PIK3C2G: variants seen among roughly 807,000 people sequenced by gnomAD.
PIK3C2G encodes phosphatidylinositol-4-phosphate 3-kinase catalytic subunit type 2 gamma, also known as phosphatidylinositol 3-kinase C2 domain-containing subunit gamma.
PIK3C2G carries 168 observed loss-of-function variants against 181.1 expected under a neutral mutation model. That is an observed-to-expected ratio of 0.93 (90% CI 0.82 to 1.05). The LOEUF (loss-of-function observed/expected upper bound fraction) is 1.05. Among genes scored for constraint, PIK3C2G ranks in the 50% least tolerant of loss-of-function variants. The pLI, the probability that PIK3C2G is intolerant of heterozygous loss-of-function variation, is 0.00. For synonymous variants in PIK3C2G, 573 were observed against 592.2 expected, an observed-to-expected ratio of 0.97 and a Z score of 0.47; for missense variants, 1,869 against 1,732.8, an observed-to-expected ratio of 1.08 and a Z score of -1.40.
intron 13 of PIK3C2G, among the ~76,000 whole-genome samples, chr12:18,377,326 C>T (rs368773200): frequency 2.6e-4 from 40 of 152,184 alleles, no homozygotes; most frequent in East Asian, 9.6e-4. Flanking sequence ...TGAATTTATA[C>T]GATATATTCA....
chr12:18,243,244 A>G (rs9634087), upstream of PIK3C2G, among the ~76,000 whole-genome samples: 65,214 of 150,928 alleles, frequency 0.43, 14,613 homozygotes, highest in East Asian at 0.75. Context: ...TTCAATGATA[A>G]TTTTCCTAGA....
chr12:18,682,422 C>T, the PIK3C2G span, among the ~76,000 whole-genome samples: 2 of 151,966 alleles, frequency 1.3e-5, no homozygotes, highest in Non-Finnish European at 2.9e-5. Flanking sequence ...TACTATGCAA[C>T]AATGTGGTAG....
chr12:18,574,543 T>A (rs1364844533), intron 29 of PIK3C2G, among the ~76,000 whole-genome samples: 1 of 152,146 alleles, frequency 6.6e-6, no homozygotes, highest in Non-Finnish European at 1.5e-5. Context: ...TCCCTCCCCA[T>A]ACCACTGCCC....
intron 11 of PIK3C2G, among the ~76,000 whole-genome samples, chr12:18,349,496 G>A (rs1331535380): frequency 6.6e-6 from 1 of 151,994 alleles, no homozygotes; most frequent in Non-Finnish European, 1.5e-5. Flanking sequence ...ATGCCTTCAG[G>A]GAACACCCCA....
At chr12:18,297,040 C>T (rs189227734) in intron 5 of PIK3C2G, among the ~76,000 whole-genome samples, 1 of 152,090 alleles carries the variant, frequency 6.6e-6, no homozygotes, top group East Asian at 1.9e-4. Flanking sequence ...ATAGCTTGAT[C>T]CCAGTCAGCC....
At chr12:18,585,300 C>T (rs1375805453) in intron 29 of PIK3C2G, among the ~76,000 whole-genome samples, 6 of 151,798 alleles carry the variant, frequency 4.0e-5, no homozygotes, top group South Asian at 2.1e-4. Context: ...TCCCATCTCA[C>T]ACACAGTGAC....
intron 16 of PIK3C2G, 72 bp downstream of exon 16, chr12:18,399,919 T>C: frequency 1.2e-6 from 1 of 849,268 alleles, no homozygotes. Flanking sequence ...TAGAACCATA[T>C]AATTAATTCA....
intron 29 of PIK3C2G, among the ~76,000 whole-genome samples, chr12:18,569,661 G>C (rs1264464327): frequency 6.6e-6 from 1 of 152,030 alleles, no homozygotes; most frequent in Non-Finnish European, 1.5e-5. Flanking sequence ...CAGATTGTAG[G>C]ATATACTTAT....
In PIK3C2G at chr12:18,386,484, A is replaced by G. The variant is rs116652698; in HGVS notation, c.1995+4604A>G. On this transcript the variant is annotated intron_variant, in intron 14 of 32. Coordinates refer to ENST00000538779, the MANE Select transcript of PIK3C2G (RefSeq NM_001288772.2). ...CTAAGCAACCACTAATCTTCTTTCT[A>G]TCTCTGTCAATTTGACTGTTTGGGG... Among the ~76,000 whole-genome samples the G allele has an allele frequency of 4.2e-3, 633 of 152,194 alleles. 4 individuals carry two copies. The highest frequency in any genetic ancestry group is 0.015 in the African/African-American group (605 of 41,518).
At chr12:18,500,249 C>G (rs1368091437) in intron 22 of PIK3C2G, among the ~76,000 whole-genome samples, 3 of 152,028 alleles carry the variant, frequency 2.0e-5, no homozygotes, top group African/African-American at 7.2e-5. Flanking sequence ...AGCGGCCGGC[C>G]GGCCCTGCCG....
intron 11 of PIK3C2G, among the ~76,000 whole-genome samples, chr12:18,356,909 C>T (rs1038820580): frequency 1.7e-4 from 26 of 151,714 alleles, no homozygotes; most frequent in African/African-American, 5.6e-4. Context: ...AACATTCAAG[C>T]GGGAAAACAG....
At chr12:18,606,197 G>C (rs141493405) in intron 30 of PIK3C2G, among the ~76,000 whole-genome samples, 1 of 152,220 alleles carries the variant, frequency 6.6e-6, no homozygotes, top group African/African-American at 2.4e-5. Flanking sequence ...TCTTCAGTCA[G>C]TTCAAGTGGC....
rs577827894 is a variant in PIK3C2G, at chr12:18,274,845, T to G, written c.-78-7159T>G. Among the ~76,000 whole-genome samples, 5 of 152,306 alleles carry G rather than the reference T, an allele frequency of 3.3e-5. No individual in the cohort carries two copies. In the South Asian group the frequency reaches 1.0e-3, roughly 32 times the overall value. ...CTACATTATTTTCATGTCCTCCACC[T>G]TTTATTAAAGTTGAACTACGTATAT... On this transcript the variant is annotated intron_variant, in intron 1 of 32. Coordinates refer to ENST00000538779, the MANE Select transcript of PIK3C2G (RefSeq NM_001288772.2).
At chr12:18,614,291 T>G (rs1320632541) in intron 31 of PIK3C2G, among the ~76,000 whole-genome samples, 1 of 152,106 alleles carries the variant, frequency 6.6e-6, no homozygotes, top group South Asian at 2.1e-4. Flanking sequence ...ATCTGGATAT[T>G]CTACTGTGTT....
intron 8 of PIK3C2G, among the ~76,000 whole-genome samples, chr12:18,332,211 C>T (rs374330477): frequency 6.6e-6 from 1 of 152,082 alleles, no homozygotes; most frequent in Admixed American, 6.6e-5. Flanking sequence ...TGACATTTCC[C>T]TCCCTGTAGG....
intron 11 of PIK3C2G, among the ~76,000 whole-genome samples, chr12:18,347,936 A>G (rs1939833933): frequency 6.6e-6 from 1 of 152,102 alleles, no homozygotes; most frequent in African/African-American, 2.4e-5. Context: ...AAAAAACACT[A>G]TCTACACACA....
rs1951086621 is a variant in PIK3C2G at position 18,321,036 on chromosome 12, A to T, written c.1208+4A>T. On this transcript the variant is annotated splice_donor_region_variant and intron_variant, in intron 7 of 32. Coordinates refer to ENST00000538779, the MANE Select transcript of PIK3C2G (RefSeq NM_001288772.2). ...TGCATATTTGGAAAGTATCCAGGTAAGATATTTTATATTTGTTCCAAGACT... is the reference window on the plus strand; with the variant it reads ...TGCATATTTGGAAAGTATCCAGGTATGATATTTTATATTTGTTCCAAGACT... The T allele has an allele frequency of 7.1e-7, 1 of 1,418,182 alleles. No individual in the cohort carries two copies. The highest frequency in any genetic ancestry group is 1.4e-5 in the African/African-American group (1 of 69,524). The allele number at this position is 1,418,182 out of a possible 1,614,324, so 87.8% of individuals were successfully genotyped here.
At chr12:18,289,975 T>C (rs1949619926) in intron 3 of PIK3C2G, among the ~76,000 whole-genome samples, 1 of 152,212 alleles carries the variant, frequency 6.6e-6, no homozygotes, top group Non-Finnish European at 1.5e-5. Context: ...CATGTGGGCA[T>C]AAAACACTGA....
chr12:18,536,752 A>G (rs1943874794), intron 24 of PIK3C2G, among the ~76,000 whole-genome samples: 1 of 152,122 alleles, frequency 6.6e-6, no homozygotes, highest in Non-Finnish European at 1.5e-5. Context: ...GGCTAAAGTC[A>G]AGAACTTGTA....
Sources: allele counts gnomAD v4.1 joint callset (sites outside exome capture counted in the v4.1 genomes callset), GRCh38; gene constraint gnomAD v4.1.1; transcripts MANE v1.5; gene names NCBI Gene and HGNC (gene_info 2026-07-23, HGNC 2026-07-21).